The following FBN1 variants were observed in gnomAD, a reference collection of about 807,000 sequenced individuals.
The protein encoded by FBN1 is fibrillin-1.
In FBN1, 29 loss-of-function variants were observed where a neutral mutation model predicts 365.1. That is an observed-to-expected ratio of 0.08 (90% CI 0.06 to 0.11). The LOEUF is 0.11. FBN1 is among the 10% of genes least tolerant of loss of function. The pLI is 1.00. For missense variants in FBN1, 2,476 were observed against 3,703.2 expected, an observed-to-expected ratio of 0.67 and a Z score of 8.60; for synonymous variants, 1,210 against 1,270.5, an observed-to-expected ratio of 0.95 and a Z score of 1.01.
chr15:48,584,728 TGC>T (rs2044422648), intron 6 of FBN1, among the ~76,000 whole-genome samples: 1 of 152,188 alleles, frequency 6.6e-6, no homozygotes, highest in South Asian at 2.1e-4. Flanking sequence ...CTCCAAATTA[TGC>T]CGTCTGAAAA....
intron 6 of FBN1, among the ~76,000 whole-genome samples, chr15:48,547,622 C>T (rs992763563): frequency 1.3e-5 from 2 of 151,996 alleles, no homozygotes; most frequent in African/African-American, 2.4e-5. Flanking sequence ...GGTTTTGATA[C>T]ATTGGTTGGC....
chr15:48,572,741 G>C (rs1039689324), intron 6 of FBN1, among the ~76,000 whole-genome samples: 1 of 152,160 alleles, frequency 6.6e-6, no homozygotes, highest in Non-Finnish European at 1.5e-5. Flanking sequence ...CCTCTGGAGA[G>C]AGGAATGGCA....
chr15:48,623,229 C>T (rs1312907376), intron 2 of FBN1, among the ~76,000 whole-genome samples: 2 of 152,094 alleles, frequency 1.3e-5, no homozygotes, highest in Non-Finnish European at 2.9e-5. Flanking sequence ...CAAAAGTAAG[C>T]CAGATGGAAT....
At position 48,410,992 on chromosome 15, in the gene FBN1, A is replaced by T; in HGVS notation, c.8614T>A (p.Ter2872LysextTer9). The T allele has an allele frequency of 6.2e-7, 1 of 1,613,070 alleles. No individual in the cohort carries two copies. The highest frequency in any genetic ancestry group is 8.5e-7 in the Non-Finnish European group (1 of 1,179,846). The change falls in exon 66 of 66, where the codon TAA becomes AAA. Residue 2872 changes from the stop codon to lysine, a stop_lost. Coordinates refer to ENST00000316623, the MANE Select transcript of FBN1 (RefSeq NM_000138.5). ...LKMKIQVLLH[*>K] The stretch of plus-strand genomic sequence containing the variant: ...TTATTTGGTCTCTGGATGGTGAATT[A>T]ATGAAGCAAAACCTGGATTTTCATC...
rs7166427 is a variant in FBN1, at chr15:48,443,808, G to T, written c.6037+733C>A. On this transcript the variant is annotated intron_variant, in intron 49 of 65. Coordinates refer to ENST00000316623, the MANE Select transcript of FBN1 (RefSeq NM_000138.5). ...AGGCCCTTGGGAGGCTGAGGAAGGA[G>T]GATCATTTGAGGCCAGGAGTTTGAG... 9.1e-3 allele frequency among the ~76,000 whole-genome samples: 1,383 copies of T among 152,186 alleles called. 24 individuals carry two copies. The highest frequency in any genetic ancestry group is 0.032 in the African/African-American group (1,321 of 41,530).
intron 6 of FBN1, among the ~76,000 whole-genome samples, chr15:48,544,462 C>A (rs951978777): frequency 6.6e-6 from 1 of 152,174 alleles, no homozygotes; most frequent in East Asian, 1.9e-4. Flanking sequence ...AAAACCATTT[C>A]TACATTAGTA....
chr15:48,608,502 C>A (rs1413601885), intron 4 of FBN1, among the ~76,000 whole-genome samples: 1 of 152,170 alleles, frequency 6.6e-6, no homozygotes, highest in Non-Finnish European at 1.5e-5. Context: ...TGATCATCCC[C>A]AGCTATCCTT....
intron 52 of FBN1, 75 bp from the exon 53 acceptor site, chr15:48,437,152 G>T: frequency 8.3e-7 from 1 of 1,212,008 alleles, no homozygotes; most frequent in Non-Finnish European, 1.2e-6. Flanking sequence ...TCATTTCAGT[G>T]TTTAATCAAA....
chr15:48,421,930 G>A, intron 61 of FBN1, 22 bp downstream of exon 61: 2 of 1,531,734 alleles, frequency 1.3e-6, no homozygotes, highest in Non-Finnish European at 1.8e-6. Flanking sequence ...ATCCATGTAG[G>A]ATTTTTTCCT....
intron 30 of FBN1, 27 bp downstream of exon 30, chr15:48,485,347 T>A: frequency 6.2e-7 from 1 of 1,614,068 alleles, no homozygotes; most frequent in Non-Finnish European, 8.5e-7. Flanking sequence ...TACTGAGAGA[T>A]TCAACATGAG....
chr15:48,452,680 A>G lies in FBN1; in HGVS notation c.5427T>C (p.Ile1809=), dbSNP rs2141256134. 1.2e-6 allele frequency: 2 copies of G among 1,614,142 alleles called. No homozygotes were observed. The highest frequency in any genetic ancestry group is 1.7e-6 in the Non-Finnish European group (2 of 1,179,996). Residue 1809 remains isoleucine, a synonymous_variant, in exon 45 of 66, where the codon ATT becomes ATC. Coordinates refer to ENST00000316623, the MANE Select transcript of FBN1 (RefSeq NM_000138.5). ...YNDKLLVCED[I]DECQNGPVCQ... is the part of the protein sequence containing the mutation. ...ACACTGGGCCGTTCTGACACTCGTCAATATCTACGAGCAGAAGAGAACTGA... is the reference window on the plus strand; with the variant it reads ...ACACTGGGCCGTTCTGACACTCGTCGATATCTACGAGCAGAAGAGAACTGA...
At chr15:48,581,289 G>A (rs138100031) in intron 6 of FBN1, among the ~76,000 whole-genome samples, 3 of 152,208 alleles carry the variant, frequency 2.0e-5, no homozygotes, top group Admixed American at 6.5e-5. Context: ...CTCCTGATAC[G>A]TGCAGCAAGA....
chr15:48,610,719 T>A lies in FBN1; in HGVS notation c.346+9A>T. 4 of 1,599,034 alleles carry A rather than the reference T, an allele frequency of 2.5e-6. No individual in the cohort carries two copies. Among genetic ancestry groups the A allele is most frequent in the Non-Finnish European group, 2.6e-6 (3 of 1,166,424 alleles). On this transcript the variant is annotated intron_variant, in intron 4 of 65. Coordinates refer to ENST00000316623, the MANE Select transcript of FBN1 (RefSeq NM_000138.5). The stretch of plus-strand genomic sequence containing the variant: ...AATAATATTATATATAATGACATGT[T>A]AGACTTACTGGATCTGGAGCCACAG...
At position 48,492,431 on chromosome 15, in the gene FBN1, T is replaced by C. The variant is rs370122986; in HGVS notation, c.2854+30A>G. ...TTTTTAATAATCGTTAATAAATTATTATTAGAAAAATAATGAGCTCAGTAT... is the reference window on the plus strand; with the variant it reads ...TTTTTAATAATCGTTAATAAATTATCATTAGAAAAATAATGAGCTCAGTAT... On this transcript the variant is annotated intron_variant, in intron 24 of 65. Transcript: ENST00000316623. The C allele has an allele frequency of 9.4e-6, 15 of 1,604,276 alleles. 1 individual carries two copies. In the African/African-American group the frequency reaches 1.6e-4, roughly 17 times the overall value.
At chr15:48,566,730 C>G (rs1393572339) in intron 6 of FBN1, among the ~76,000 whole-genome samples, 2 of 152,140 alleles carry the variant, frequency 1.3e-5, no homozygotes, top group Non-Finnish European at 2.9e-5. Context: ...AGTTCAACCC[C>G]TTGGATTTAT....
chr15:48,462,688 T>G (rs1300532062), intron 42 of FBN1, among the ~76,000 whole-genome samples: 1 of 152,236 alleles, frequency 6.6e-6, no homozygotes, highest in African/African-American at 2.4e-5. Context: ...AGGCTGCCTT[T>G]AACTATTTTT....
chr15:48,539,191 C>T (rs1597594638), intron 6 of FBN1, among the ~76,000 whole-genome samples: 1 of 152,312 alleles, frequency 6.6e-6, no homozygotes, highest in East Asian at 1.9e-4. Flanking sequence ...TGCTCCCCAT[C>T]ACTACGTGCT....
chr15:48,497,288 A>G lies in FBN1; in HGVS notation c.2271T>C (p.Asp757=), dbSNP rs1356417685. 3 of 1,613,950 alleles carry G rather than the reference A, an allele frequency of 1.9e-6. No individual in the cohort carries two copies. The African/African-American group carries it at 4.0e-5, about 22-fold the overall frequency. Residue 757 remains aspartate (D), a synonymous_variant, in exon 19 of 66, where the codon GAT becomes GAC. Coordinates refer to ENST00000316623, the MANE Select transcript of FBN1 (RefSeq NM_000138.5). Reference sequence around the variant, plus strand: ...CACCAACGCAGTTTTTCCCAGTTGAATCCACTTCATATCCTGAATTGCATA... The same window carrying G: ...CACCAACGCAGTTTTTCCCAGTTGAGTCCACTTCATATCCTGAATTGCATA... The part of the protein sequence containing the change: ...KCICNSGYEV[D]STGKNCVDIN...
At chr15:48,513,409 G>A (rs2043776114) in intron 13 of FBN1, 140 bp downstream of exon 13, 4 of 1,114,436 alleles carry the variant, frequency 3.6e-6, no homozygotes, top group Non-Finnish European at 5.4e-6. Context: ...ATGACAATAG[G>A]TGGAACTAAG....
Sources: gnomAD v4.1 joint callset for allele counts (sites outside exome capture counted in the v4.1 genomes callset) on GRCh38, gnomAD v4.1.1 for gene constraint, MANE v1.5 for transcripts, NCBI Gene and HGNC (gene_info 2026-07-23, HGNC 2026-07-21) for gene names.